ACSM3: variants seen among roughly 807,000 people sequenced by gnomAD.
ACSM3 encodes the protein acyl-CoA synthetase medium chain family member 3, also known as acyl-coenzyme A synthetase ACSM3, mitochondrial.
Under a neutral mutation model 74.1 loss-of-function variants are expected in ACSM3, and 61 were observed. The ratio of observed to expected loss-of-function variants is 0.82; its 90% CI spans 0.67 to 1.02. The LOEUF is 1.02. Ranked by LOEUF, ACSM3 falls within the 50% of genes least tolerant of loss-of-function variation. The pLI is 0.00. For missense variants in ACSM3, 660 were observed against 697.0 expected (o/e 0.95, Z 0.60); for synonymous variants, 213 against 241.5 (o/e 0.88, Z 1.09).
At chr16:20,754,598 A>G (rs909822077) in intron 2 of ACSM3, among the ~76,000 whole-genome samples, 7 of 152,196 alleles carry the variant, frequency 4.6e-5, no homozygotes, top group Admixed American at 3.9e-4. Context: ...TGTGCCCTGC[A>G]ATAGAGCCCT....
chr16:20,777,250 T>C, intron 3 of ACSM3, 123 bp from the exon 4 acceptor site: 6 of 895,836 alleles, frequency 6.7e-6, no homozygotes, highest in Non-Finnish European at 1.0e-5. Flanking sequence ...TAAATAGATA[T>C]CTTCCTGGTA....
intron 1 of ACSM3, among the ~76,000 whole-genome samples, chr16:20,732,312 A>C (rs573100688): frequency 2.6e-5 from 4 of 152,280 alleles, no homozygotes; most frequent in African/African-American, 7.2e-5. Flanking sequence ...GCATCATTTC[A>C]GTCAAAAGGT....
At chr16:20,773,104 G>T (rs2080213548) in intron 2 of ACSM3, among the ~76,000 whole-genome samples, 1 of 152,090 alleles carries the variant, frequency 6.6e-6, no homozygotes, top group African/African-American at 2.4e-5. Flanking sequence ...TATCTTGGTA[G>T]GTTATGTGTG....
chr16:20,685,346 C>G, intron 1 of ACSM3: 1 of 1,614,226 alleles, frequency 6.2e-7, no homozygotes, highest in Non-Finnish European at 8.5e-7. Flanking sequence ...CTCCACTTTA[C>G]TTCATCCCCT....
Position 20,792,058 on chromosome 16 carries a change from C to T in ACSM3, c.1383C>T (p.Asp461=), listed in dbSNP as rs2080611766. 6.2e-7 allele frequency: 1 copy of T among 1,613,956 alleles called. No individual in the cohort carries two copies. Among genetic ancestry groups the T allele is most frequent in the Admixed American group, 1.7e-5 (1 of 60,002 alleles). The change falls in exon 11 of 14, where the codon GAC becomes GAT. Residue 461 remains aspartate, a synonymous_variant. Transcript: ENST00000289416. ...TLRGNFYITG[D]RGYMDKDGYF... ...GAGGCAATTTCTATATCACTGGGGA[C>T]AGAGGATATATGGATAAAGATGGGT...
At chr16:20,796,830 G>A in intron 13 of ACSM3, 56 bp from the exon 14 acceptor site, 1 of 1,603,096 alleles carries the variant, frequency 6.2e-7, no homozygotes, top group Non-Finnish European at 8.5e-7. Context: ...TATATAATTG[G>A]CTTTATGTAA....
chr16:20,695,666 TTCTA>T (rs913993297), intron 1 of ACSM3, among the ~76,000 whole-genome samples: 1 of 146,886 alleles, frequency 6.8e-6, no homozygotes, highest in Non-Finnish European at 1.5e-5. Context: ...ATTACCTATT[TTCTA>T]TCTATCTATC....
At chr16:20,796,551 T>C in intron 13 of ACSM3, 62 bp downstream of exon 13, 1 of 1,592,394 alleles carries the variant, frequency 6.3e-7, no homozygotes, top group Non-Finnish European at 8.5e-7. Context: ...AGTGTTTATT[T>C]TTACATTTTA....
At chr16:20,675,304 C>A (rs545043746) in intron 1 of ACSM3, among the ~76,000 whole-genome samples, 1 of 152,066 alleles carries the variant, frequency 6.6e-6, no homozygotes, top group Non-Finnish European at 1.5e-5. Flanking sequence ...GAGGCCAATG[C>A]GGGGAGTAAT....
intron 1 of ACSM3, among the ~76,000 whole-genome samples, chr16:20,699,653 C>CG (rs1317373700): frequency 1.3e-5 from 2 of 152,112 alleles, no homozygotes; most frequent in Admixed American, 6.5e-5. Context: ...AGAATGGAGA[C>CG]GGGGGAAAAG....
At chr16:20,676,232 AG>A (rs1414570552) in intron 1 of ACSM3, 1 of 152,220 alleles carries the variant, frequency 6.6e-6, no homozygotes, top group Non-Finnish European at 1.5e-5. Context: ...GCCTCTTAAG[AG>A]GACAAGAGGA....
At chr16:20,701,840 G>T (rs8056546) in intron 1 of ACSM3, among the ~76,000 whole-genome samples, 64,856 of 152,046 alleles carry the variant, frequency 0.43, 16,368 homozygotes, top group Non-Finnish European at 0.58. Context: ...ATGGCTTCCA[G>T]CTTCATCCAT....
chr16:20,721,432 G>GGTAGTAATAGCCCTGAGACATAAT (rs2079785124), intron 1 of ACSM3: 1 of 152,066 alleles, frequency 6.6e-6, no homozygotes, highest in Non-Finnish European at 1.5e-5. Flanking sequence ...CTGTAAATAG[G>GGTAGTAATAGCCCTGAGACATAAT]GTAGTAATAG....
intron 9 of ACSM3, chr16:20,789,692 T>C: frequency 1.6e-6 from 1 of 626,056 alleles, no homozygotes; most frequent in Non-Finnish European, 2.7e-6. Context: ...TTCTTTTTTT[T>C]TTTTTTTTTT....
At chr16:20,789,364 G>T in intron 9 of ACSM3, 1 of 779,570 alleles carries the variant, frequency 1.3e-6, no homozygotes, top group Non-Finnish European at 2.2e-6. Context: ...TAAAGGTTTA[G>T]CATTAATTAC....
At chr16:20,791,578 T>A (rs757054206) in intron 10 of ACSM3, among the ~76,000 whole-genome samples, 2 of 152,230 alleles carry the variant, frequency 1.3e-5, no homozygotes, top group Non-Finnish European at 2.9e-5. Flanking sequence ...TATCTCTTCC[T>A]AACTCTAATG....
intron 1 of ACSM3, chr16:20,733,641 A>C (rs1211164629): frequency 1.3e-5 from 2 of 152,058 alleles, no homozygotes; most frequent in African/African-American, 4.8e-5. Flanking sequence ...GTCAGAAAGA[A>C]AGAAAAAATA....
chr16:20,756,578 G>A (rs1383517474), intron 3 of ACSM3, among the ~76,000 whole-genome samples: 1 of 152,090 alleles, frequency 6.6e-6, no homozygotes, highest in African/African-American at 2.4e-5. Context: ...CTCCCATTTT[G>A]TAAGTTGCCT....
At chr16:20,737,310 A>G (rs368768263) in intron 1 of ACSM3, 13 of 1,585,508 alleles carry the variant, frequency 8.2e-6, no homozygotes, top group South Asian at 2.3e-5. Context: ...AGAAAAACAC[A>G]TAGCTGAGGA....
Sources: gnomAD v4.1 joint callset for allele counts (sites outside exome capture counted in the v4.1 genomes callset) on GRCh38, gnomAD v4.1.1 for gene constraint, MANE v1.5 for transcripts, NCBI Gene and HGNC (gene_info 2026-07-23, HGNC 2026-07-21) for gene names.